The following MED12L variants were observed in gnomAD, a reference collection of about 807,000 sequenced individuals.
MED12L encodes mediator complex subunit 12L.
MED12L carries 60 observed loss-of-function variants against 281.3 expected under a neutral mutation model. That is an observed-to-expected ratio of 0.21 (90% CI 0.17 to 0.26). MED12L has a LOEUF of 0.26. Ranked by LOEUF, MED12L falls within the 10% of genes least tolerant of loss-of-function variation. MED12L has a pLI of 1.00. For missense variants in MED12L, 2,146 were observed against 2,680.9 expected (o/e 0.80, Z 4.41); for synonymous variants, 974 against 987.2 (o/e 0.99, Z 0.25).
chr3:151,259,393 C>T (rs185592696), intron 16 of MED12L, among the ~76,000 whole-genome samples: 1 of 152,298 alleles, frequency 6.6e-6, no homozygotes, highest in Admixed American at 6.5e-5. Context: ...TCACCAAATG[C>T]TTAACCAGTA....
intron 16 of MED12L, among the ~76,000 whole-genome samples, chr3:151,322,406 A>G (rs777460274): frequency 2.5e-4 from 38 of 151,754 alleles, no homozygotes; most frequent in Admixed American, 6.6e-4. Flanking sequence ...CATGTTGTCC[A>G]GGCTGGTCTC....
At position 151,415,028 on chromosome 3, in the gene MED12L, T is replaced by C. The variant is rs189108235; in HGVS notation, c.6298-1284T>C. ...GGCTATGTTTCAGAATTTTTTAGGA[T>C]TGATAATTTATATTTTGCTCTAGTT... On this transcript the variant is annotated intron_variant, in intron 42 of 44. Coordinates refer to ENST00000687756, the MANE Select transcript of MED12L (RefSeq NM_001393769.1). 2.6e-5 allele frequency among the ~76,000 whole-genome samples: 4 copies of C among 152,334 alleles called. 1 individual carries two copies. In the East Asian group the frequency reaches 7.7e-4, roughly 29 times the overall value.
chr3:151,328,711 C>T (rs1221055576), intron 16 of MED12L: 1 of 1,613,994 alleles, frequency 6.2e-7, no homozygotes, highest in Admixed American at 1.7e-5. Context: ...AAAAACGACA[C>T]ACAAAAGCTC....
At chr3:151,195,505 A>G (rs1211494765) in intron 16 of MED12L, among the ~76,000 whole-genome samples, 3 of 152,128 alleles carry the variant, frequency 2.0e-5, no homozygotes, top group Admixed American at 1.3e-4. Flanking sequence ...GTTCTTATCT[A>G]TCACTGCCTG....
intron 39 of MED12L, among the ~76,000 whole-genome samples, chr3:151,396,367 C>T (rs1714971097): frequency 6.6e-6 from 1 of 152,214 alleles, no homozygotes; most frequent in South Asian, 2.1e-4. Flanking sequence ...GTGGCTTACG[C>T]CTCTAATCCC....
intron 32 of MED12L, among the ~76,000 whole-genome samples, chr3:151,380,425 C>T (rs545049251): frequency 7.2e-5 from 11 of 152,032 alleles, no homozygotes; most frequent in Non-Finnish European, 1.5e-4. Context: ...GGTGAAACCC[C>T]GTCTGTACTA....
At chr3:151,398,464 CA>C (rs1715261151) in intron 39 of MED12L, among the ~76,000 whole-genome samples, 2 of 152,172 alleles carry the variant, frequency 1.3e-5, no homozygotes, top group South Asian at 4.1e-4. Flanking sequence ...TTCAGTCAGT[CA>C]TGGAATATTC....
rs531618516 is a variant in MED12L, at chr3:151,328,377, A to G, written c.2251-21682A>G. ...ACTTTTTTTGCAATAACCACATAAA[A>G]CACAAGCATTAGGATAAAAACAGTC... On this transcript the variant is annotated intron_variant, in intron 16 of 44. Coordinates refer to ENST00000687756, the MANE Select transcript of MED12L (RefSeq NM_001393769.1). The G allele has an allele frequency of 1.5e-5, 24 of 1,613,570 alleles. No homozygotes were observed. In the East Asian group the frequency reaches 2.5e-4, roughly 16 times the overall value.
intron 16 of MED12L, chr3:151,212,499 T>C (rs1576983980): frequency 6.6e-6 from 1 of 152,324 alleles, no homozygotes; most frequent in South Asian, 2.1e-4. Context: ...CCAGTCATCT[T>C]ATTTTTCCCA....
At chr3:151,269,397 T>TCACACACA (rs71801434) in intron 16 of MED12L, 14,586 of 144,412 alleles carry the variant, frequency 0.1, 815 homozygotes, top group Middle Eastern at 0.18. Context: ...TGAAACTCCA[T>TCACACACA]CACACACACA....
intron 16 of MED12L, among the ~76,000 whole-genome samples, chr3:151,228,250 C>T (rs980933806): frequency 1.3e-4 from 20 of 152,170 alleles, no homozygotes; most frequent in African/African-American, 4.1e-4. Context: ...TAGAATATTG[C>T]GATAATTATT....
At chr3:151,253,017 G>A (rs940909609) in intron 16 of MED12L, among the ~76,000 whole-genome samples, 4 of 152,050 alleles carry the variant, frequency 2.6e-5, no homozygotes, top group Admixed American at 1.3e-4. Context: ...ATTACATGTC[G>A]TGAGCTAAAG....
intron 12 of MED12L, among the ~76,000 whole-genome samples, chr3:151,187,029 T>G (rs553513326): frequency 6.6e-6 from 1 of 152,346 alleles, no homozygotes; most frequent in Admixed American, 6.5e-5. Context: ...AAGAACATTT[T>G]ATAGACATTT....
At chr3:151,430,505 G>C in intron 44 of MED12L, 125 bp downstream of exon 44, 1 of 1,398,670 alleles carries the variant, frequency 7.1e-7, no homozygotes, top group South Asian at 1.6e-5. Context: ...CATGTTATTT[G>C]GTTTAGCCCA....
At chr3:151,301,841 G>A (rs1223990203) in intron 16 of MED12L, among the ~76,000 whole-genome samples, 2 of 152,316 alleles carry the variant, frequency 1.3e-5, no homozygotes, top group East Asian at 3.9e-4. Context: ...GAAAGAGTTT[G>A]GCAGTTTCTT....
At chr3:151,304,519 G>A (rs1051318808) in intron 16 of MED12L, among the ~76,000 whole-genome samples, 11 of 151,912 alleles carry the variant, frequency 7.2e-5, no homozygotes, top group African/African-American at 9.7e-5. Context: ...GCAGTGAGCC[G>A]AGGTCATGCC....
At chr3:151,239,287 A>C (rs1164551818) in intron 16 of MED12L, among the ~76,000 whole-genome samples, 1 of 152,268 alleles carries the variant, frequency 6.6e-6, no homozygotes, top group African/African-American at 2.4e-5. Context: ...ATATTCATTG[A>C]CATGGTTTTA....
At chr3:151,373,373 C>G (rs1289645394) in intron 27 of MED12L, among the ~76,000 whole-genome samples, 1 of 152,142 alleles carries the variant, frequency 6.6e-6, no homozygotes, top group Non-Finnish European at 1.5e-5. Flanking sequence ...TGTATAGTTT[C>G]AAGATTAGTA....
chr3:151,294,462 A>G (rs1490625197), intron 16 of MED12L: 6 of 1,614,230 alleles, frequency 3.7e-6, no homozygotes, highest in Non-Finnish European at 5.1e-6. Flanking sequence ...AAGCAGGTAA[A>G]AAACACAGCC....
Sources: gnomAD v4.1 joint callset for allele counts (sites outside exome capture counted in the v4.1 genomes callset) on GRCh38, gnomAD v4.1.1 for gene constraint, MANE v1.5 for transcripts, NCBI Gene and HGNC (gene_info 2026-07-23, HGNC 2026-07-21) for gene names.